The following GYS2 variants were observed in gnomAD, a reference collection of about 807,000 sequenced individuals.
GYS2 encodes glycogen [starch] synthase, liver.
Under a neutral mutation model 85.6 loss-of-function variants are expected in GYS2, and 80 were observed. The observed-to-expected ratio is 0.93, with a 90% CI of 0.78 to 1.13. The LOEUF (loss-of-function observed/expected upper bound fraction) is 1.13. GYS2 is among the 50% of genes most tolerant of loss of function. The pLI is 0.00. For missense variants in GYS2, 881 were observed against 854.9 expected, an observed-to-expected ratio of 1.03 and a Z score of -0.38; for synonymous variants, 328 against 300.7, an observed-to-expected ratio of 1.09 and a Z score of -0.94.
chr12:21,586,256 C>T (rs1388683187), intron 1 of GYS2, among the ~76,000 whole-genome samples: 2 of 152,132 alleles, frequency 1.3e-5, no homozygotes, highest in African/African-American at 4.8e-5. Context: ...ACATCTTTCT[C>T]CCATGCTGGA....
At chr12:21,589,954 C>T (rs1312004324) in intron 1 of GYS2, among the ~76,000 whole-genome samples, 1 of 152,138 alleles carries the variant, frequency 6.6e-6, no homozygotes, top group Non-Finnish European at 1.5e-5. Context: ...ACATCCCCCA[C>T]CCACAGCTGA....
intron 9 of GYS2, 69 bp from the exon 10 acceptor site, chr12:21,559,238 A>T: frequency 2.6e-6 from 2 of 763,302 alleles, no homozygotes; most frequent in East Asian, 5.3e-5. Flanking sequence ...CCTAAGCATC[A>T]GATTATATAT....
chr12:21,583,536 C>T (rs954290962), intron 1 of GYS2, among the ~76,000 whole-genome samples: 1 of 152,190 alleles, frequency 6.6e-6, no homozygotes, highest in Non-Finnish European at 1.5e-5. Context: ...GCCATATGAC[C>T]TAGCAGATCC....
intron 4 of GYS2, among the ~76,000 whole-genome samples, chr12:21,572,098 T>C (rs947107152): frequency 1.3e-5 from 2 of 152,180 alleles, no homozygotes; most frequent in African/African-American, 4.8e-5. Flanking sequence ...TGATCAATGA[T>C]TGGACTTTAA....
intron 10 of GYS2, among the ~76,000 whole-genome samples, 200 bp downstream of exon 10, chr12:21,558,891 T>G (rs1871133): frequency 0.72 from 110,133 of 151,988 alleles, 40,431 homozygotes; most frequent in South Asian, 0.79. Context: ...AAGGACAAGT[T>G]TCATGAGATG....
chr12:21,545,670 A>G (rs895629759), intron 12 of GYS2, among the ~76,000 whole-genome samples: 1 of 152,220 alleles, frequency 6.6e-6, no homozygotes. Flanking sequence ...TACATAGTAA[A>G]CCTGAGAAAC....
At chr12:21,546,290 A>G in intron 12 of GYS2, 54 bp downstream of exon 12, 1 of 1,288,336 alleles carries the variant, frequency 7.8e-7, no homozygotes, top group Non-Finnish European at 1.1e-6. Context: ...TATGCACATA[A>G]AATAATATAC....
At chr12:21,534,423 A>G (rs904124304), downstream of GYS2, among the ~76,000 whole-genome samples, 1 of 152,156 alleles carries the variant, frequency 6.6e-6, no homozygotes, top group Non-Finnish European at 1.5e-5. Context: ...AGGCTGCAGC[A>G]CAAGAATTGC....
At chr12:21,562,505 C>G (rs1435778794) in intron 7 of GYS2, among the ~76,000 whole-genome samples, 1 of 152,088 alleles carries the variant, frequency 6.6e-6, no homozygotes, top group Non-Finnish European at 1.5e-5. Context: ...GCCACATCTT[C>G]CATTATAGTC....
rs564143711 is a variant in GYS2 at position 21,536,900 on chromosome 12, A to T, written c.*54T>A. On this transcript the variant is annotated 3_prime_UTR_variant, in exon 16 of 16. Transcript: ENST00000261195. ...AATTTGTGGCATTTTTATTTTAAATAATTAGTCTTACTTTGCTTTTTTAAA... is the reference window on the plus strand; with the variant it reads ...AATTTGTGGCATTTTTATTTTAAATTATTAGTCTTACTTTGCTTTTTTAAA... The T allele has an allele frequency of 4.7e-4, 564 of 1,199,826 alleles. No individual in the cohort carries two copies. Among genetic ancestry groups the T allele is most frequent in the Non-Finnish European group, 6.5e-4 (524 of 805,292 alleles). 74.3% of individuals were successfully genotyped at this position (1,199,826 alleles called of 1,614,324 possible). A position where few individuals can be genotyped will look rare whatever the true frequency, so the allele number is the denominator to read the frequency against.
chr12:21,572,043 A>G (rs1944392935), intron 4 of GYS2, among the ~76,000 whole-genome samples: 1 of 151,084 alleles, frequency 6.6e-6, no homozygotes. Flanking sequence ...GCTTTAGAGG[A>G]AAAAAAAGAA....
intron 1 of GYS2, among the ~76,000 whole-genome samples, chr12:21,583,403 T>C (rs555466259): frequency 4.6e-5 from 7 of 152,238 alleles, no homozygotes; most frequent in African/African-American, 1.7e-4. Context: ...ATATTCCTGA[T>C]TTGGGTGTGT....
intron 11 of GYS2, among the ~76,000 whole-genome samples, chr12:21,551,775 C>T (rs1257983954): frequency 4.0e-5 from 6 of 151,886 alleles, no homozygotes; most frequent in South Asian, 4.2e-4. Flanking sequence ...TAGCTCACTA[C>T]AAAAAAAGAC....
chr12:21,599,384 A>T (rs1412996675), intron 1 of GYS2, among the ~76,000 whole-genome samples: 2 of 152,126 alleles, frequency 1.3e-5, no homozygotes, highest in Non-Finnish European at 2.9e-5. Flanking sequence ...TGTTCCCAGC[A>T]CTTTTCTAGA....
At chr12:21,532,939 T>TC (rs1371346937), downstream of GYS2, 3 of 152,230 alleles carry the variant, frequency 2.0e-5, no homozygotes, top group Admixed American at 6.5e-5. Flanking sequence ...AAAAGGTCCC[T>TC]CTTCCCAATT....
intron 12 of GYS2, among the ~76,000 whole-genome samples, chr12:21,546,005 T>C (rs904358247): frequency 6.6e-6 from 1 of 152,214 alleles, no homozygotes; most frequent in Non-Finnish European, 1.5e-5. Context: ...AGTCAATTTC[T>C]CCTTCACACT....
chr12:21,568,277 A>G (rs1944346329), intron 5 of GYS2, among the ~76,000 whole-genome samples: 2 of 152,122 alleles, frequency 1.3e-5, no homozygotes, highest in African/African-American at 2.4e-5. Context: ...ACTCGTTTGA[A>G]TGGGAGCATT....
At chr12:21,540,823 G>A (rs1039424473) in intron 13 of GYS2, among the ~76,000 whole-genome samples, 1 of 152,218 alleles carries the variant, frequency 6.6e-6, no homozygotes, top group East Asian at 1.9e-4. Flanking sequence ...GGATACGCTG[G>A]ATCAGTGATC....
intron 12 of GYS2, among the ~76,000 whole-genome samples, chr12:21,544,388 G>T (rs1944013820): frequency 6.6e-6 from 1 of 152,054 alleles, no homozygotes; most frequent in Non-Finnish European, 1.5e-5. Flanking sequence ...ATTTTGGGTT[G>T]TTAAGTTTAA....
Sources: gnomAD v4.1 joint callset for allele counts (sites outside exome capture counted in the v4.1 genomes callset) on GRCh38, gnomAD v4.1.1 for gene constraint, MANE v1.5 for transcripts, NCBI Gene and HGNC (gene_info 2026-07-23, HGNC 2026-07-21) for gene names.